PDILT: variants seen among roughly 807,000 people sequenced by gnomAD.
The protein encoded by PDILT is protein disulfide isomerase like, testis expressed.
Under a neutral mutation model 53.7 loss-of-function variants are expected in PDILT, and 43 were observed. The observed-to-expected ratio is 0.80, with a 90% CI of 0.63 to 1.03. The LOEUF (loss-of-function observed/expected upper bound fraction) is 1.03, where lower values mean the gene tolerates loss of function less well. Among genes scored for constraint, PDILT ranks in the 50% least tolerant of loss-of-function variants. The pLI, the probability that PDILT is intolerant of heterozygous loss-of-function variation, is 0.00. For missense variants in PDILT, 727 were observed against 712.3 expected, an observed-to-expected ratio of 1.02 and a Z score of -0.24; for synonymous variants, 282 against 274.2, an observed-to-expected ratio of 1.03 and a Z score of -0.28.
chr16:20,366,729 C>G (rs1038371609), intron 8 of PDILT, among the ~76,000 whole-genome samples: 6 of 152,158 alleles, frequency 3.9e-5, no homozygotes, highest in Non-Finnish European at 8.8e-5. Flanking sequence ...TCCTGAATGT[C>G]TCCTGAATCC....
At chr16:20,368,883 C>A (rs1375745182) in intron 8 of PDILT, among the ~76,000 whole-genome samples, 1 of 152,120 alleles carries the variant, frequency 6.6e-6, no homozygotes, top group African/African-American at 2.4e-5. Context: ...CGCACCTGGC[C>A]CATTCCAGAA....
At chr16:20,359,690 C>A (rs1966069385) in intron 11 of PDILT, 123 bp from the exon 12 acceptor site, 1 of 951,382 alleles carries the variant, frequency 1.1e-6, no homozygotes, top group South Asian at 1.7e-5. Flanking sequence ...TGAAAGTGCC[C>A]AGAGAGAATC....
rs540790184 is a variant in PDILT at position 20,359,499 on chromosome 16, C to G, written c.1575G>C (p.Met525Ile). 289 of 1,614,090 alleles carry G rather than the reference C, an allele frequency of 1.8e-4. 7 individuals carry two copies. The South Asian group carries it at 3.0e-3, about 16-fold the overall frequency. The part of the protein sequence containing the change: ...EVLAEEKEVP[M>I]MRKGLPEQQS... The stretch of plus-strand genomic sequence containing the variant: ...GCTGTTCAGGTAACCCTTTCCTCAT[C>G]ATAGGCACCTCCTTTTCCTCAGCTA... Residue 525 changes from methionine to isoleucine, a missense_variant, in exon 12 of 12, where the codon ATG (methionine) becomes ATC (isoleucine). Transcript: ENST00000302451.
intron 3 of PDILT, among the ~76,000 whole-genome samples, chr16:20,376,467 T>C (rs112767826): frequency 5.9e-5 from 9 of 152,286 alleles, no homozygotes; most frequent in African/African-American, 2.2e-4. Context: ...AATAATCCTA[T>C]GAAATAGACA....
Position 20,376,213 on chromosome 16 carries a change from C to T in PDILT, c.410-12G>A, listed in dbSNP as rs762179193. ...AGATTCAACCACTCCTGGAGAAAGA[C>T]ACAGTCAAATAGATACCAGAGAAGT... On this transcript the variant is annotated splice_polypyrimidine_tract_variant and intron_variant, in intron 3 of 11. Transcript: ENST00000302451. The T allele has an allele frequency of 1.2e-6, 2 of 1,613,978 alleles. No homozygotes were observed. Among genetic ancestry groups the T allele is most frequent in the African/African-American group, 1.3e-5 (1 of 75,052 alleles).
In PDILT at chr16:20,360,588, T is replaced by C. The variant is rs1567317417; in HGVS notation, c.1486A>G (p.Lys496Glu). 1.2e-6 allele frequency: 2 copies of C among 1,613,858 alleles called. No homozygotes were observed. Among genetic ancestry groups the C allele is most frequent in the Non-Finnish European group, 1.7e-6 (2 of 1,179,754 alleles). The change falls in exon 11 of 12, where the codon AAG (lysine) becomes GAG (glutamate). Residue 496 changes from lysine (K) to glutamate (E), a missense_variant. By Grantham distance (56) the Lys-to-Glu change is moderately conservative. Coordinates refer to ENST00000302451, the MANE Select transcript of PDILT (RefSeq NM_174924.2). ...CTTACCTCATCCTCATCCTCAATCT[T>C]AGTTTTGATGTGGCTTTCCAGGAAG... ...SDFLESHIKT[K>E]IEDEDELLSV...
chr16:20,400,062 A>C (rs58370273), intron 1 of PDILT, among the ~76,000 whole-genome samples: 23,909 of 115,936 alleles, frequency 0.21, 2,319 homozygotes, highest in African/African-American at 0.3. Flanking sequence ...ATCTATATAT[A>C]TATATATATA....
At chr16:20,372,567 T>C (rs1287353814) in intron 7 of PDILT, among the ~76,000 whole-genome samples, 1 of 152,130 alleles carries the variant, frequency 6.6e-6, no homozygotes, top group East Asian at 1.9e-4. Flanking sequence ...AGTGAAGAAG[T>C]GTAGATTTGG....
intron 1 of PDILT, among the ~76,000 whole-genome samples, chr16:20,404,263 T>C (rs1966786118): frequency 1.3e-5 from 2 of 152,340 alleles, no homozygotes; most frequent in South Asian, 2.1e-4. Flanking sequence ...GAGAGTTTAA[T>C]AAAAAATACT....
chr16:20,400,050 CTATCTATATA>C (rs1471592162), intron 1 of PDILT, among the ~76,000 whole-genome samples: 4 of 123,882 alleles, frequency 3.2e-5, no homozygotes, highest in African/African-American at 1.5e-4. Flanking sequence ...ATCTATCTAT[CTATCTATATA>C]TATATATATA....
chr16:20,383,542 T>C (rs903334314), intron 3 of PDILT, among the ~76,000 whole-genome samples: 4 of 150,460 alleles, frequency 2.7e-5, no homozygotes, highest in Non-Finnish European at 1.5e-5. Context: ...CGAGGTTCTC[T>C]TGTGGCGCCT....
Position 20,369,507 on chromosome 16 carries a change from C to G in PDILT, c.1101G>C (p.Leu367=). 6.2e-7 allele frequency: 1 copy of G among 1,614,088 alleles called. No individual in the cohort carries two copies. Among genetic ancestry groups the G allele is most frequent in the Non-Finnish European group, 8.5e-7 (1 of 1,179,928 alleles). The change falls in exon 8 of 12, where the codon CTG becomes CTC. Residue 367 remains leucine (L), a synonymous_variant. Transcript: ENST00000302451. The part of the protein sequence containing the change: ...ESLKKFGRSF[L]SKNATKHQSS... The stretch of plus-strand genomic sequence containing the variant: ...AAAAACCTACTGTGGCATTTTTACT[C>G]AGGAAGCTGCGGCCAAATTTCTTGA...
At chr16:20,379,348 G>C (rs1316736702) in intron 3 of PDILT, among the ~76,000 whole-genome samples, 1 of 151,958 alleles carries the variant, frequency 6.6e-6, no homozygotes, top group Non-Finnish European at 1.5e-5. Context: ...TAATTTTTTA[G>C]TATCAGTAGA....
In PDILT at chr16:20,359,258, C is replaced by T. The variant is rs1426425458; in HGVS notation, c.*61G>A. On this transcript the variant is annotated 3_prime_UTR_variant, in exon 12 of 12. Coordinates refer to ENST00000302451, the MANE Select transcript of PDILT (RefSeq NM_174924.2). ...ATATATGCTTTTATTGGAATCAATC[C>T]ATTCAGAAAATGATGCCAGGATCTG... 6 of 1,593,854 alleles carry T rather than the reference C, an allele frequency of 3.8e-6. No individual in the cohort carries two copies. The highest frequency in any genetic ancestry group is 2.2e-5 in the East Asian group (1 of 44,764).
chr16:20,375,576 T>G (rs1009459909), intron 4 of PDILT, among the ~76,000 whole-genome samples: 1 of 152,244 alleles, frequency 6.6e-6, no homozygotes, highest in Non-Finnish European at 1.5e-5. Context: ...AAGGCTATTA[T>G]GAGACGTTTC....
At chr16:20,401,540 G>A (rs1966740207) in intron 1 of PDILT, among the ~76,000 whole-genome samples, 1 of 152,162 alleles carries the variant, frequency 6.6e-6, no homozygotes, top group African/African-American at 2.4e-5. Flanking sequence ...CCTCCTCGGT[G>A]CCCAGAATCC....
At position 20,359,216 on chromosome 16, in the gene PDILT, C is replaced by T. The variant is rs984455232; in HGVS notation, c.*103G>A. On this transcript the variant is annotated 3_prime_UTR_variant, in exon 12 of 12. Coordinates refer to ENST00000302451, the MANE Select transcript of PDILT (RefSeq NM_174924.2). ...ATTATCCACCCCTACCCCCGCCCCA[C>T]CTACCCTACCACAATGATATATGCT... 3.2e-5 allele frequency: 49 copies of T among 1,523,260 alleles called. No individual in the cohort carries two copies. The African/African-American group carries it at 6.4e-4, about 20-fold the overall frequency. The allele number at this position is 1,523,260 out of a possible 1,614,324, so 94.4% of individuals were successfully genotyped here.
At chr16:20,388,239 C>T (rs575910692) in intron 2 of PDILT, among the ~76,000 whole-genome samples, 3 of 152,234 alleles carry the variant, frequency 2.0e-5, no homozygotes, top group Non-Finnish European at 2.9e-5. Flanking sequence ...AATAACAACA[C>T]GTATTGATCC....
At chr16:20,370,957 A>ATATAT in intron 7 of PDILT, among the ~76,000 whole-genome samples, 1 of 152,232 alleles carries the variant, frequency 6.6e-6, no homozygotes, top group Non-Finnish European at 1.5e-5. Flanking sequence ...TATAATCAAG[A>ATATAT]AATAACTATA....
Sources: allele counts gnomAD v4.1 joint callset (sites outside exome capture counted in the v4.1 genomes callset), GRCh38; gene constraint gnomAD v4.1.1; transcripts MANE v1.5; gene names NCBI Gene and HGNC (gene_info 2026-07-23, HGNC 2026-07-21).